Variants in PHF14 observed in about 807,000 individuals in gnomAD.
The protein encoded by PHF14 is PHD finger protein 14.
In PHF14, 55 loss-of-function variants were observed where a neutral mutation model predicts 117.9. The ratio of observed to expected loss-of-function variants is 0.47; its 90% confidence interval spans 0.38 to 0.58. The LOEUF is 0.58. Among genes scored for constraint, PHF14 ranks in the 20% least tolerant of loss-of-function variants. PHF14 has a pLI of 0.00. For synonymous variants in PHF14, 409 were observed against 368.6 expected (o/e 1.11, Z -1.26); for missense variants, 978 against 1,122.2 (o/e 0.87, Z 1.84).
At chr7:11,049,814 G>A (rs575902155) in intron 13 of PHF14, among the ~76,000 whole-genome samples, 49 of 152,294 alleles carry the variant, frequency 3.2e-4, no homozygotes, top group Non-Finnish European at 6.2e-4. Flanking sequence ...AAATGCAGGA[G>A]CAATTTAATA....
chr7:11,064,773 T>C (rs971102686), intron 16 of PHF14, among the ~76,000 whole-genome samples: 1 of 152,088 alleles, frequency 6.6e-6, no homozygotes, highest in Non-Finnish European at 1.5e-5. Flanking sequence ...TATTTTCTGC[T>C]TTGCCTGTTT....
chr7:11,114,193 G>T (rs1383804158), intron 17 of PHF14, among the ~76,000 whole-genome samples: 1 of 152,064 alleles, frequency 6.6e-6, no homozygotes, highest in African/African-American at 2.4e-5. Flanking sequence ...ACTTTTATTT[G>T]AAATTTTGAC....
chr7:11,022,226 TG>T (rs1783761074), intron 5 of PHF14, among the ~76,000 whole-genome samples: 1 of 152,188 alleles, frequency 6.6e-6, no homozygotes, highest in African/African-American at 2.4e-5. Flanking sequence ...TATTTATATT[TG>T]GGGCATATAA....
intron 17 of PHF14, among the ~76,000 whole-genome samples, chr7:11,161,606 G>A (rs1336764627): frequency 6.8e-6 from 1 of 146,608 alleles, no homozygotes; most frequent in Non-Finnish European, 1.5e-5. Context: ...ATTATTTTTA[G>A]ATTTTAGATA....
chr7:11,169,502 T>C lies in PHF14; in HGVS notation c.*12T>C. On this transcript the variant is annotated 3_prime_UTR_variant, in exon 18 of 18. Transcript: ENST00000634607. ...ATCCAAAGAAATAAAAGATTTTCTG[T>C]AGTGTTTTTGAAAAGTTTGCAGCTT... 1.5e-6 allele frequency: 2 copies of C among 1,369,104 alleles called. No homozygotes were observed. Among genetic ancestry groups the C allele is most frequent in the South Asian group, 3.0e-5 (2 of 66,542 alleles). 84.8% of individuals were successfully genotyped at this position (1,369,104 alleles called of 1,614,324 possible).
At chr7:11,116,382 C>T (rs1787602503) in intron 17 of PHF14, among the ~76,000 whole-genome samples, 1 of 152,022 alleles carries the variant, frequency 6.6e-6, no homozygotes, top group South Asian at 2.1e-4. Context: ...TTTCCCGGTT[C>T]TTCTCAGTAG....
At chr7:11,026,109 C>CAA (rs142566001) in intron 6 of PHF14, among the ~76,000 whole-genome samples, 3 of 55,696 alleles carry the variant, frequency 5.4e-5, no homozygotes. Flanking sequence ...GAGACTCCAT[C>CAA]AAAAAAAAAA....
intron 16 of PHF14, among the ~76,000 whole-genome samples, chr7:11,073,866 A>G (rs1785718031): frequency 6.6e-6 from 1 of 152,144 alleles, no homozygotes; most frequent in African/African-American, 2.4e-5. Flanking sequence ...CACCAAGGCC[A>G]GATTGGTGGC....
chr7:11,149,391 G>C (rs1788644098), intron 17 of PHF14, among the ~76,000 whole-genome samples: 1 of 151,966 alleles, frequency 6.6e-6, no homozygotes, highest in Non-Finnish European at 1.5e-5. Context: ...TGGGACCCTG[G>C]GGAAGTTCAT....
intron 16 of PHF14, among the ~76,000 whole-genome samples, chr7:11,082,189 T>C (rs999123370): frequency 1.3e-5 from 2 of 151,488 alleles, no homozygotes; most frequent in African/African-American, 2.4e-5. Context: ...AATAAAATTT[T>C]TAAAAAATCA....
chr7:11,021,887 C>T (rs1288422656), intron 5 of PHF14, among the ~76,000 whole-genome samples: 1 of 152,074 alleles, frequency 6.6e-6, no homozygotes, highest in African/African-American at 2.4e-5. Flanking sequence ...TCATAATGCA[C>T]CACAAAAACC....
intron 17 of PHF14, among the ~76,000 whole-genome samples, chr7:11,141,533 A>T (rs552510222): frequency 6.6e-5 from 10 of 152,204 alleles, no homozygotes; most frequent in African/African-American, 2.4e-4. Flanking sequence ...CAGAAAAAGT[A>T]AAAATGTTTT....
chr7:11,149,926 G>A (rs1419649945), intron 17 of PHF14, among the ~76,000 whole-genome samples: 1 of 151,788 alleles, frequency 6.6e-6, no homozygotes, highest in African/African-American at 2.4e-5. Flanking sequence ...TCTAAAACAA[G>A]ATTAAATAAT....
intron 4 of PHF14, among the ~76,000 whole-genome samples, chr7:10,999,861 C>T (rs1336619436): frequency 1.3e-5 from 2 of 152,188 alleles, no homozygotes; most frequent in East Asian, 1.9e-4. Flanking sequence ...AACAACTCTT[C>T]TTGTGTAATT....
At chr7:11,079,187 T>G (rs923548713) in intron 16 of PHF14, among the ~76,000 whole-genome samples, 6 of 152,198 alleles carry the variant, frequency 3.9e-5, no homozygotes, top group Admixed American at 1.3e-4. Flanking sequence ...AAAAGGAGCT[T>G]CTTCTAATTC....
chr7:11,045,021 G>A (rs1262383152), intron 13 of PHF14, among the ~76,000 whole-genome samples: 2 of 152,038 alleles, frequency 1.3e-5, no homozygotes, highest in Non-Finnish European at 2.9e-5. Context: ...TTTGGATTTG[G>A]GATGCTCAAC....
chr7:11,092,435 A>T (rs1786673862), intron 16 of PHF14, among the ~76,000 whole-genome samples: 1 of 152,200 alleles, frequency 6.6e-6, no homozygotes, highest in Non-Finnish European at 1.5e-5. Context: ...CTTATGCATA[A>T]AGCCCTTATG....
intron 7 of PHF14, among the ~76,000 whole-genome samples, chr7:11,031,872 G>T (rs1161708182): frequency 6.6e-6 from 1 of 152,300 alleles, no homozygotes; most frequent in South Asian, 2.1e-4. Context: ...TATAGTCCAA[G>T]TAAGCCATAT....
At chr7:11,051,921 A>G (rs1190799408) in intron 14 of PHF14, 141 bp downstream of exon 14, 5 of 640,726 alleles carry the variant, frequency 7.8e-6, no homozygotes, top group South Asian at 2.3e-5. Flanking sequence ...TTTTTTTTCT[A>G]TATTATGAAA....
Sources: gnomAD v4.1 joint callset for allele counts (sites outside exome capture counted in the v4.1 genomes callset) on GRCh38, gnomAD v4.1.1 for gene constraint, MANE v1.5 for transcripts, NCBI Gene and HGNC (gene_info 2026-07-23, HGNC 2026-07-21) for gene names.